Variants in SIMC1 observed in about 807,000 individuals in gnomAD.
SIMC1 encodes SUMO interacting motifs containing 1, also known as SUMO-interacting motif-containing protein 1.
In SIMC1, 55 loss-of-function variants were observed where a neutral mutation model predicts 82.3. The observed-to-expected ratio is 0.67, with a 90% confidence interval of 0.54 to 0.84. The LOEUF is 0.84. Ranked by LOEUF, SIMC1 falls within the 40% of genes least tolerant of loss-of-function variation. The pLI is 0.00. For missense variants in SIMC1, 915 were observed against 1,107.2 expected (o/e 0.83, Z 2.46); for synonymous variants, 353 against 426.3 (o/e 0.83, Z 2.12).
intron 6 of SIMC1, 86 bp downstream of exon 6, chr5:176,322,511 C>G: frequency 7.2e-7 from 1 of 1,391,684 alleles, no homozygotes; most frequent in Non-Finnish European, 9.6e-7. Context: ...AGCAGCTTCC[C>G]CCAAATTAAC....
At chr5:176,310,364 T>C (rs987922798) in intron 4 of SIMC1, among the ~76,000 whole-genome samples, 6 of 152,230 alleles carry the variant, frequency 3.9e-5, no homozygotes, top group Admixed American at 6.5e-5. Flanking sequence ...CAAATATTCA[T>C]AGGAGCTTTA....
chr5:176,289,160 C>T (rs1763433923), intron 1 of SIMC1, among the ~76,000 whole-genome samples: 1 of 152,116 alleles, frequency 6.6e-6, no homozygotes, highest in Non-Finnish European at 1.5e-5. Flanking sequence ...ATAACCTAAC[C>T]CCTCTGAACT....
chr5:176,305,243 C>T (rs1581280996), intron 4 of SIMC1, among the ~76,000 whole-genome samples: 1 of 51,914 alleles, frequency 1.9e-5, no homozygotes, highest in Non-Finnish European at 4.3e-5. Flanking sequence ...TGAGGGGCGC[C>T]TCTGCCCGGC....
intron 7 of SIMC1, among the ~76,000 whole-genome samples, chr5:176,326,226 C>T (rs970391036): frequency 6.6e-5 from 10 of 152,152 alleles, no homozygotes; most frequent in African/African-American, 2.4e-4. Flanking sequence ...ACCAAGACAA[C>T]TATTGTGCAG....
chr5:176,273,621 A>G (rs1762546177), intron 1 of SIMC1, among the ~76,000 whole-genome samples: 1 of 152,198 alleles, frequency 6.6e-6, no homozygotes, highest in African/African-American at 2.4e-5. Flanking sequence ...GTCATCTAGC[A>G]TTAGGTATAT....
Position 176,295,016 on chromosome 5 carries a change from T to C in SIMC1, c.1432-14T>C, listed in dbSNP as rs1763747559. ...AGAAATCCCTCCTAATTTCCTTCTT[T>C]TTAATCTCTACAGAACAAGGGTCAA... On this transcript the variant is annotated splice_polypyrimidine_tract_variant and intron_variant, in intron 2 of 9. Transcript: ENST00000429602. 4 of 1,600,316 alleles carry C rather than the reference T, an allele frequency of 2.5e-6. No homozygotes were observed. The highest frequency in any genetic ancestry group is 1.8e-5 in the Admixed American group (1 of 55,516).
chr5:176,275,153 G>T (rs1204937416), intron 1 of SIMC1, among the ~76,000 whole-genome samples: 1 of 151,412 alleles, frequency 6.6e-6, no homozygotes, highest in Non-Finnish European at 1.5e-5. Context: ...TTATTTCCTT[G>T]AGCAGTGGTT....
At chr5:176,326,766 T>C (rs1368609908) in intron 7 of SIMC1, among the ~76,000 whole-genome samples, 1 of 152,136 alleles carries the variant, frequency 6.6e-6, no homozygotes, top group African/African-American at 2.4e-5. Flanking sequence ...GGTTTCACCA[T>C]GTTAGCCAGG....
intron 1 of SIMC1, among the ~76,000 whole-genome samples, chr5:176,262,907 A>G (rs1762066816): frequency 6.6e-6 from 1 of 151,758 alleles, no homozygotes. Flanking sequence ...AATCTAGAAA[A>G]AAACCTCTTG....
intron 1 of SIMC1, among the ~76,000 whole-genome samples, chr5:176,275,727 AATC>A (rs1176516831): frequency 1.3e-5 from 2 of 151,928 alleles, no homozygotes; most frequent in African/African-American, 4.8e-5. Context: ...CTATTGAGAT[AATC>A]ATGTGGTTTT....
At chr5:176,297,120 A>G (rs1473728621) in intron 4 of SIMC1, among the ~76,000 whole-genome samples, 1 of 152,240 alleles carries the variant, frequency 6.6e-6, no homozygotes, top group African/African-American at 2.4e-5. Flanking sequence ...TGGATGGAAC[A>G]GCCAACCTCT....
chr5:176,332,717 AATAAAT>A (rs1264404844), intron 7 of SIMC1, among the ~76,000 whole-genome samples: 10 of 152,222 alleles, frequency 6.6e-5, no homozygotes, highest in South Asian at 2.1e-4. Flanking sequence ...ATTGGATAAA[AATAAAT>A]ATAAACTTTA....
intron 5 of SIMC1, among the ~76,000 whole-genome samples, chr5:176,314,834 T>G (rs1204167710): frequency 6.6e-6 from 1 of 152,190 alleles, no homozygotes; most frequent in African/African-American, 2.4e-5. Context: ...ATACCTCAAG[T>G]ACCCAACAAA....
intron 1 of SIMC1, among the ~76,000 whole-genome samples, chr5:176,286,300 T>C (rs1370026365): frequency 6.6e-6 from 1 of 152,168 alleles, no homozygotes; most frequent in African/African-American, 2.4e-5. Flanking sequence ...TATAGAGCAA[T>C]GGAACAGAAC....
At chr5:176,276,355 TTCTC>T (rs1416998457) in intron 1 of SIMC1, among the ~76,000 whole-genome samples, 1 of 151,710 alleles carries the variant, frequency 6.6e-6, no homozygotes, top group African/African-American at 2.4e-5. Context: ...TGTTTGATTC[TTCTC>T]TCTTTTTTTC....
At chr5:176,304,808 C>T (rs1408146857) in intron 4 of SIMC1, among the ~76,000 whole-genome samples, 2 of 150,342 alleles carry the variant, frequency 1.3e-5, no homozygotes, top group African/African-American at 4.9e-5. Context: ...TGCCCATTGT[C>T]TGAGATGTGG....
chr5:176,273,315 A>G (rs558281046), intron 1 of SIMC1, among the ~76,000 whole-genome samples: 1 of 152,282 alleles, frequency 6.6e-6, no homozygotes, highest in South Asian at 2.1e-4. Flanking sequence ...ATACTCAGGC[A>G]AACAGGGTCT....
At chr5:176,245,336 G>A (rs1397647685) in intron 1 of SIMC1, among the ~76,000 whole-genome samples, 1 of 152,118 alleles carries the variant, frequency 6.6e-6, no homozygotes, top group African/African-American at 2.4e-5. Context: ...GACTGCTGGC[G>A]ACATCAGGAG....
chr5:176,246,485 T>G (rs1191435694), intron 1 of SIMC1, among the ~76,000 whole-genome samples: 3 of 151,304 alleles, frequency 2.0e-5, no homozygotes, highest in Non-Finnish European at 4.4e-5. Flanking sequence ...AGTCTCACTC[T>G]GCCACCCAGG....
Sources: allele counts gnomAD v4.1 joint callset (sites outside exome capture counted in the v4.1 genomes callset), GRCh38; gene constraint gnomAD v4.1.1; transcripts MANE v1.5; gene names NCBI Gene and HGNC (gene_info 2026-07-23, HGNC 2026-07-21).